The following ANKS1B variants were observed in gnomAD, a reference collection of about 807,000 sequenced individuals.
ANKS1B encodes ankyrin repeat and sterile alpha motif domain containing 1B, also known as ankyrin repeat and sterile alpha motif domain-containing protein 1B.
ANKS1B carries 36 observed loss-of-function variants against 148.3 expected under a neutral mutation model. The observed-to-expected ratio is 0.24, with a 90% confidence interval of 0.19 to 0.32. The LOEUF (loss-of-function observed/expected upper bound fraction) is 0.32, where lower values mean the gene tolerates loss of function less well. Ranked by LOEUF, ANKS1B falls within the 10% of genes least tolerant of loss-of-function variation. The pLI is 1.00. For synonymous variants in ANKS1B, 542 were observed against 560.8 expected (o/e 0.97, Z 0.47); for missense variants, 1,157 against 1,542.6 (o/e 0.75, Z 4.19).
chr12:98,999,598 T>C (rs1468432308), intron 17 of ANKS1B, among the ~76,000 whole-genome samples: 1 of 152,204 alleles, frequency 6.6e-6, no homozygotes, highest in African/African-American at 2.4e-5. Context: ...ACTCTTTATA[T>C]CTATGATTTA....
intron 9 of ANKS1B, among the ~76,000 whole-genome samples, chr12:99,578,169 C>G (rs1446932190): frequency 1.3e-5 from 2 of 152,046 alleles, no homozygotes; most frequent in Admixed American, 6.6e-5. Flanking sequence ...ATCCAACATC[C>G]CTTCATGATA....
chr12:99,722,283 A>C (rs769945322), intron 8 of ANKS1B, among the ~76,000 whole-genome samples: 2 of 152,212 alleles, frequency 1.3e-5, no homozygotes, highest in African/African-American at 2.4e-5. Context: ...GACTCTCATA[A>C]CCAGAGAGGA....
chr12:98,899,744 A>G (rs1016494002), intron 17 of ANKS1B, among the ~76,000 whole-genome samples: 2 of 152,214 alleles, frequency 1.3e-5, no homozygotes, highest in Admixed American at 6.5e-5. Context: ...CTGAACCCCA[A>G]CTAACACACC....
intron 10 of ANKS1B, among the ~76,000 whole-genome samples, chr12:99,502,763 A>G (rs1376854922): frequency 2.0e-5 from 3 of 152,216 alleles, no homozygotes; most frequent in African/African-American, 7.2e-5. Context: ...TATCTGCCAC[A>G]TAATAAATGC....
At chr12:98,817,728 C>G (rs903847563) in intron 19 of ANKS1B, among the ~76,000 whole-genome samples, 1 of 152,210 alleles carries the variant, frequency 6.6e-6, no homozygotes, top group African/African-American at 2.4e-5. Context: ...CCCACTGACC[C>G]TTTTTATAAA....
chr12:99,777,729 C>G (rs1295398638), intron 6 of ANKS1B, among the ~76,000 whole-genome samples: 1 of 151,904 alleles, frequency 6.6e-6, no homozygotes, highest in Non-Finnish European at 1.5e-5. Context: ...GGACTACAGG[C>G]GCCCACCACC....
chr12:99,750,859 T>G (rs1057366912), intron 8 of ANKS1B, among the ~76,000 whole-genome samples: 1 of 152,098 alleles, frequency 6.6e-6, no homozygotes, highest in African/African-American at 2.4e-5. Flanking sequence ...TTTTAGACTT[T>G]AAATTGTTAA....
intron 14 of ANKS1B, among the ~76,000 whole-genome samples, chr12:99,170,748 T>C (rs769751725): frequency 6.6e-6 from 1 of 152,114 alleles, no homozygotes; most frequent in Non-Finnish European, 1.5e-5. Context: ...ACCCATGATG[T>C]TGTTGAAGGC....
At chr12:99,057,472 CTTCT>C (rs1224993154) in intron 16 of ANKS1B, among the ~76,000 whole-genome samples, 3 of 152,142 alleles carry the variant, frequency 2.0e-5, no homozygotes, top group Non-Finnish European at 2.9e-5. Context: ...TATTTCCTTC[CTTCT>C]TTATCTTGTT....
intron 17 of ANKS1B, among the ~76,000 whole-genome samples, chr12:98,937,810 G>A (rs2099820177): frequency 6.6e-6 from 1 of 152,250 alleles, no homozygotes; most frequent in Admixed American, 6.5e-5. Flanking sequence ...TTGACTCAAA[G>A]TTCCAAATGG....
chr12:99,813,939 G>A (rs574466365), intron 2 of ANKS1B, among the ~76,000 whole-genome samples: 2 of 151,598 alleles, frequency 1.3e-5, no homozygotes, highest in Non-Finnish European at 3.0e-5. Context: ...CAGACCATCC[G>A]CATATATAAT....
chr12:99,811,307 C>T (rs962489690), intron 3 of ANKS1B, among the ~76,000 whole-genome samples: 5 of 151,796 alleles, frequency 3.3e-5, no homozygotes, highest in African/African-American at 9.7e-5. Context: ...CTAAAGTAAC[C>T]TACTTGCATT....
chr12:99,311,386 G>A (rs566230443), intron 12 of ANKS1B, among the ~76,000 whole-genome samples: 15 of 152,248 alleles, frequency 9.9e-5, no homozygotes, highest in African/African-American at 3.1e-4. Context: ...TAAATGGAAC[G>A]CTGGATGTAT....
At chr12:99,784,366 G>T (rs754057843) in intron 4 of ANKS1B, among the ~76,000 whole-genome samples, 2 of 151,942 alleles carry the variant, frequency 1.3e-5, no homozygotes, top group Non-Finnish European at 2.9e-5. Flanking sequence ...TAGAGATGGG[G>T]TTTCATCATG....
intron 10 of ANKS1B, among the ~76,000 whole-genome samples, chr12:99,465,710 T>A (rs1390047810): frequency 6.6e-6 from 1 of 152,238 alleles, no homozygotes; most frequent in South Asian, 2.1e-4. Flanking sequence ...CATTATATAA[T>A]GGTAAAGGGA....
chr12:99,099,996 T>C (rs961890503), intron 15 of ANKS1B: 12 of 152,222 alleles, frequency 7.9e-5, no homozygotes, highest in African/African-American at 2.9e-4. Context: ...AATCACCTGG[T>C]CCTTGCTTCA....
chr12:99,453,631 G>A (rs1473679480), intron 10 of ANKS1B, among the ~76,000 whole-genome samples: 2 of 152,166 alleles, frequency 1.3e-5, no homozygotes, highest in African/African-American at 2.4e-5. Context: ...TGAGTCAGAG[G>A]CATCCCGCTA....
At chr12:98,840,781 A>G (rs548962584) in intron 17 of ANKS1B, among the ~76,000 whole-genome samples, 3 of 152,298 alleles carry the variant, frequency 2.0e-5, no homozygotes, top group Admixed American at 6.5e-5. Context: ...CAAAACAATA[A>G]ATCAGTTCCC....
chr12:99,890,220 T>C (rs2093024993), intron 1 of ANKS1B, among the ~76,000 whole-genome samples: 1 of 152,172 alleles, frequency 6.6e-6, no homozygotes, highest in African/African-American at 2.4e-5. Context: ...AGCCTCCATG[T>C]TGCTGTGAGG....
Sources: gnomAD v4.1 joint callset for allele counts (sites outside exome capture counted in the v4.1 genomes callset) on GRCh38, gnomAD v4.1.1 for gene constraint, MANE v1.5 for transcripts, NCBI Gene and HGNC (gene_info 2026-07-23, HGNC 2026-07-21) for gene names.